The following MTREX variants were observed in gnomAD, a reference collection of about 807,000 sequenced individuals.
MTREX encodes the protein Mtr4 exosome RNA helicase, also known as exosome RNA helicase MTR4.
Under a neutral mutation model 135.4 loss-of-function variants are expected in MTREX, and 76 were observed. That is an observed-to-expected ratio of 0.56 (90% CI 0.47 to 0.68). The LOEUF is 0.68. Among genes scored for constraint, MTREX ranks in the 30% least tolerant of loss-of-function variants. MTREX has a pLI of 0.00. For synonymous variants in MTREX, 404 were observed against 401.6 expected, an observed-to-expected ratio of 1.01 and a Z score of -0.07; for missense variants, 920 against 1,262.1, an observed-to-expected ratio of 0.73 and a Z score of 4.11.
intron 12 of MTREX, among the ~76,000 whole-genome samples, chr5:55,349,899 C>T (rs1467605911): frequency 6.6e-6 from 1 of 152,160 alleles, no homozygotes. Context: ...CTAGTGTTCT[C>T]AGTATTACAG....
intron 18 of MTREX, among the ~76,000 whole-genome samples, chr5:55,387,128 T>C (rs1750492588): frequency 6.6e-6 from 1 of 152,122 alleles, no homozygotes; most frequent in African/African-American, 2.4e-5. Context: ...TTCTTTCGTA[T>C]TGGAAAAATA....
chr5:55,389,680 T>A (rs1041309807), intron 19 of MTREX, among the ~76,000 whole-genome samples: 5 of 152,126 alleles, frequency 3.3e-5, no homozygotes, highest in Admixed American at 2.0e-4. Context: ...AAGAATTATA[T>A]TCCTAGCAAG....
chr5:55,363,350 A>G (rs1262481500), intron 15 of MTREX, among the ~76,000 whole-genome samples: 1 of 152,220 alleles, frequency 6.6e-6, no homozygotes, highest in African/African-American at 2.4e-5. Context: ...GTAAGAGATC[A>G]TTATATTAGT....
chr5:55,424,657 G>A (rs1009419302), intron 26 of MTREX, 63 bp from the exon 27 acceptor site: 26 of 1,221,222 alleles, frequency 2.1e-5, no homozygotes, highest in East Asian at 1.2e-4. Flanking sequence ...TTAAAATTTC[G>A]GTAGAGGCAA....
At chr5:55,411,932 A>G (rs1750890008) in intron 23 of MTREX, among the ~76,000 whole-genome samples, 1 of 152,152 alleles carries the variant, frequency 6.6e-6, no homozygotes, top group South Asian at 2.1e-4. Flanking sequence ...CTTACTTTTC[A>G]TTATTTGCAT....
At chr5:55,369,354 G>A (rs1750157794) in intron 16 of MTREX, among the ~76,000 whole-genome samples, 1 of 152,186 alleles carries the variant, frequency 6.6e-6, no homozygotes, top group Admixed American at 6.5e-5. Flanking sequence ...TGCATGAGTA[G>A]GATAATTATA....
intron 19 of MTREX, among the ~76,000 whole-genome samples, chr5:55,396,083 A>T (rs1750641306): frequency 6.6e-6 from 1 of 152,246 alleles, no homozygotes; most frequent in South Asian, 2.1e-4. Context: ...TAGGCAAAAT[A>T]TAACTAATTA....
chr5:55,388,159 C>T, intron 19 of MTREX, 57 bp downstream of exon 19: 1 of 1,477,376 alleles, frequency 6.8e-7, no homozygotes. Context: ...TATTTGTCAT[C>T]ACCAAAGTTC....
chr5:55,418,312 A>T (rs994644704), intron 25 of MTREX, among the ~76,000 whole-genome samples: 6 of 149,904 alleles, frequency 4.0e-5, no homozygotes, highest in South Asian at 4.2e-4. Flanking sequence ...ATTTTTTTTT[A>T]AATCTAGGAA....
At chr5:55,415,229 GA>G (rs950780392) in intron 24 of MTREX, among the ~76,000 whole-genome samples, 58 of 143,714 alleles carry the variant, frequency 4.0e-4, no homozygotes, top group Non-Finnish European at 1.2e-4. Flanking sequence ...GAAGAAAAAA[GA>G]AAAAAAAAAC....
chr5:55,374,063 G>A (rs1750252442), intron 16 of MTREX, among the ~76,000 whole-genome samples: 1 of 151,964 alleles, frequency 6.6e-6, no homozygotes, highest in Non-Finnish European at 1.5e-5. Flanking sequence ...TTCAAGACCA[G>A]CCTGGCCAAC....
At chr5:55,377,604 C>T (rs1390584478) in intron 16 of MTREX, among the ~76,000 whole-genome samples, 2 of 152,172 alleles carry the variant, frequency 1.3e-5, no homozygotes, top group African/African-American at 4.8e-5. Context: ...TGACTAAATA[C>T]AAGTCTAATA....
chr5:55,322,965 A>T (rs1749312701), intron 2 of MTREX, among the ~76,000 whole-genome samples: 1 of 152,194 alleles, frequency 6.6e-6, no homozygotes, highest in Admixed American at 6.5e-5. Context: ...CTAAAAGTTG[A>T]TGCCAGTACC....
rs760003998 is a variant in MTREX at position 55,308,127 on chromosome 5, A to G, written c.114A>G (p.Pro38=). 1.1e-5 allele frequency: 17 copies of G among 1,610,572 alleles called. No homozygotes were observed. Among genetic ancestry groups the G allele is most frequent in the Non-Finnish European group, 1.4e-5 (16 of 1,178,662 alleles). ...ACAAGGGGAAATGGAAGGGGCCTCC[A>G]GGGTCTGCAGACAAGGCAGGGTAAG... ...EKDKGKWKGP[P]GSADKAGKRF... is the part of the protein sequence containing the mutation. The change falls in exon 1 of 27, where the codon CCA becomes CCG. Residue 38 remains proline, a synonymous_variant. Transcript: ENST00000230640.
At chr5:55,379,217 A>C (rs773388866) in intron 18 of MTREX, 22 bp downstream of exon 18, 3 of 1,347,792 alleles carry the variant, frequency 2.2e-6, no homozygotes, top group Non-Finnish European at 2.1e-6. Context: ...TCTTTAAATT[A>C]GAATTGTATA....
At chr5:55,337,215 G>C (rs181721160) in intron 5 of MTREX, among the ~76,000 whole-genome samples, 1 of 152,062 alleles carries the variant, frequency 6.6e-6, no homozygotes. Context: ...TGACTTCCCA[G>C]GCTCAACTGA....
chr5:55,311,653 C>T (rs1163842102), intron 1 of MTREX, among the ~76,000 whole-genome samples: 2 of 152,128 alleles, frequency 1.3e-5, no homozygotes, highest in East Asian at 1.9e-4. Context: ...ACTATCCTCA[C>T]GTAGCTGTTG....
chr5:55,312,047 T>C (rs543884243), intron 1 of MTREX, among the ~76,000 whole-genome samples: 2 of 152,196 alleles, frequency 1.3e-5, no homozygotes, highest in East Asian at 1.9e-4. Flanking sequence ...GCGAAAATAG[T>C]ATCACCCTGA....
intron 25 of MTREX, among the ~76,000 whole-genome samples, chr5:55,419,782 TTTTA>T (rs1353852187): frequency 6.6e-6 from 1 of 152,192 alleles, no homozygotes; most frequent in Non-Finnish European, 1.5e-5. Flanking sequence ...GCCATATGCT[TTTTA>T]TTTTTTTTCA....
Sources: gnomAD v4.1 joint callset for allele counts (sites outside exome capture counted in the v4.1 genomes callset) on GRCh38, gnomAD v4.1.1 for gene constraint, MANE v1.5 for transcripts, NCBI Gene and HGNC (gene_info 2026-07-23, HGNC 2026-07-21) for gene names.